Variants in ARHGAP24 observed in about 807,000 individuals in gnomAD.
ARHGAP24 encodes Rho GTPase activating protein 24.
ARHGAP24 carries 50 observed loss-of-function variants against 76.4 expected under a neutral mutation model. That is an observed-to-expected ratio of 0.65 (90% confidence interval 0.52 to 0.83). The LOEUF (loss-of-function observed/expected upper bound fraction) is 0.83, where lower values mean the gene tolerates loss of function less well. Among genes scored for constraint, ARHGAP24 ranks in the 40% least tolerant of loss-of-function variants. The probability of loss-of-function intolerance (pLI) is 0.00; values close to 1 mark genes in which losing one functional copy is unlikely to be tolerated. For missense variants in ARHGAP24, 930 were observed against 914.2 expected, an observed-to-expected ratio of 1.02 and a Z score of -0.22; for synonymous variants, 345 against 323.3, an observed-to-expected ratio of 1.07 and a Z score of -0.72.
chr4:85,924,782 A>C (rs1259914401), intron 4 of ARHGAP24: 1 of 152,136 alleles, frequency 6.6e-6, no homozygotes, highest in Non-Finnish European at 1.5e-5. Flanking sequence ...TGAAAACATG[A>C]TATTTTACTA....
intron 3 of ARHGAP24, among the ~76,000 whole-genome samples, chr4:85,867,302 T>A (rs1367820682): frequency 2.0e-5 from 3 of 152,144 alleles, no homozygotes; most frequent in Non-Finnish European, 2.9e-5. Context: ...ATATGTTGGA[T>A]GTAATCTTTA....
chr4:85,815,460 C>T (rs930810480), intron 3 of ARHGAP24, among the ~76,000 whole-genome samples: 6 of 152,226 alleles, frequency 3.9e-5, no homozygotes, highest in Admixed American at 3.3e-4. Flanking sequence ...CCTAAATCAT[C>T]TCTCTCGAGT....
chr4:85,526,839 G>T (rs539928510), intron 1 of ARHGAP24, among the ~76,000 whole-genome samples: 1 of 152,040 alleles, frequency 6.6e-6, no homozygotes, highest in Non-Finnish European at 1.5e-5. Flanking sequence ...AAGAAATAGC[G>T]TTCAGCTTTT....
At chr4:85,626,016 CTT>C (rs1329111314) in intron 2 of ARHGAP24, among the ~76,000 whole-genome samples, 1 of 152,122 alleles carries the variant, frequency 6.6e-6, no homozygotes, top group East Asian at 1.9e-4. Flanking sequence ...GGTCTTGACT[CTT>C]TATCCAATTT....
chr4:85,609,808 C>G (rs1332456024), intron 2 of ARHGAP24, among the ~76,000 whole-genome samples: 1 of 152,164 alleles, frequency 6.6e-6, no homozygotes, highest in Admixed American at 6.5e-5. Context: ...TCCATCATGT[C>G]AAGCATTTAT....
At chr4:85,564,802 A>G (rs1159636537) in intron 1 of ARHGAP24, among the ~76,000 whole-genome samples, 4 of 150,102 alleles carry the variant, frequency 2.7e-5, no homozygotes, top group Non-Finnish European at 4.4e-5. Context: ...GGCTCAGGCA[A>G]TAATGCTCGC....
chr4:85,683,118 G>GGGC (rs1553922579), intron 2 of ARHGAP24, among the ~76,000 whole-genome samples: 11 of 37,672 alleles, frequency 2.9e-4, no homozygotes, highest in African/African-American at 9.5e-4. Flanking sequence ...GTGGGGGGGT[G>GGGC]GGGGGGGGGT....
intron 1 of ARHGAP24, among the ~76,000 whole-genome samples, chr4:85,482,383 C>T (rs1192014415): frequency 6.6e-6 from 1 of 152,128 alleles, no homozygotes; most frequent in Non-Finnish European, 1.5e-5. Context: ...CGTGGGATAA[C>T]TTTTCAGTAC....
intron 3 of ARHGAP24, among the ~76,000 whole-genome samples, chr4:85,799,893 G>A (rs12504871): frequency 0.079 from 12,088 of 152,144 alleles, 779 homozygotes; most frequent in East Asian, 0.29. Context: ...GAAAACATCA[G>A]ACAAACTCAA....
chr4:85,757,119 C>T (rs1005281761), intron 3 of ARHGAP24, among the ~76,000 whole-genome samples: 30 of 152,022 alleles, frequency 2.0e-4, no homozygotes, highest in African/African-American at 6.5e-4. Flanking sequence ...AGGCCATCTC[C>T]GTCTTTACCC....
chr4:85,776,714 C>A (rs1467176956), intron 3 of ARHGAP24, among the ~76,000 whole-genome samples: 1 of 152,140 alleles, frequency 6.6e-6, no homozygotes, highest in African/African-American at 2.4e-5. Flanking sequence ...CTGTTCTAAA[C>A]AATCTGTGAC....
chr4:85,952,337 T>G (rs945026588), intron 5 of ARHGAP24, among the ~76,000 whole-genome samples: 1 of 152,254 alleles, frequency 6.6e-6, no homozygotes, highest in Non-Finnish European at 1.5e-5. Flanking sequence ...ATTGTATCAG[T>G]ACATTGGTTT....
chr4:85,759,711 G>A lies in ARHGAP24; in HGVS notation c.268+37739G>A, dbSNP rs187458710. ...TCTGGGGAAATTAGGCTGTGTAAAAGGACAGTGGCAGTGGGAATGGAAAGA... is the reference window on the plus strand; with the variant it reads ...TCTGGGGAAATTAGGCTGTGTAAAAAGACAGTGGCAGTGGGAATGGAAAGA... On this transcript the variant is annotated intron_variant, in intron 3 of 9. Coordinates refer to ENST00000395184, the MANE Select transcript of ARHGAP24 (RefSeq NM_001025616.3). Among the ~76,000 whole-genome samples the A allele has an allele frequency of 4.8e-3, 723 of 152,168 alleles. 3 individuals carry two copies. The highest frequency in any genetic ancestry group is 5.8e-3 in the Non-Finnish European group (394 of 68,002).
intron 2 of ARHGAP24, among the ~76,000 whole-genome samples, chr4:85,612,466 G>A (rs1454566864): frequency 7.8e-6 from 1 of 127,660 alleles, no homozygotes; most frequent in Non-Finnish European, 1.7e-5. Context: ...CCAATGTATA[G>A]CAAAAGCATC....
intron 3 of ARHGAP24, among the ~76,000 whole-genome samples, chr4:85,775,404 T>C (rs1373968866): frequency 6.6e-6 from 1 of 152,204 alleles, no homozygotes; most frequent in East Asian, 1.9e-4. Context: ...TTTAATGGAC[T>C]CACAGTTCCA....
chr4:85,708,400 T>C (rs1381509975), intron 2 of ARHGAP24, among the ~76,000 whole-genome samples: 5 of 152,124 alleles, frequency 3.3e-5, no homozygotes, highest in Non-Finnish European at 5.9e-5. Context: ...TATTTAAACC[T>C]CAAAACAGCC....
At chr4:85,852,773 C>T (rs1367787873) in intron 3 of ARHGAP24, among the ~76,000 whole-genome samples, 1 of 152,228 alleles carries the variant, frequency 6.6e-6, no homozygotes, top group Non-Finnish European at 1.5e-5. Flanking sequence ...GCCTGGGTAT[C>T]ACCTTTGGAG....
At chr4:85,568,325 C>T (rs1304074918) in intron 1 of ARHGAP24, among the ~76,000 whole-genome samples, 7 of 144,820 alleles carry the variant, frequency 4.8e-5, no homozygotes, top group East Asian at 4.0e-4. Flanking sequence ...GGGAGGGGGG[C>T]GTGTGTGTGT....
At chr4:85,775,389 A>G (rs1727275871) in intron 3 of ARHGAP24, among the ~76,000 whole-genome samples, 1 of 152,190 alleles carries the variant, frequency 6.6e-6, no homozygotes. Context: ...ATAAAGAAAA[A>G]GAGGTTTAAT....
Sources: gnomAD v4.1 joint callset for allele counts (sites outside exome capture counted in the v4.1 genomes callset) on GRCh38, gnomAD v4.1.1 for gene constraint, MANE v1.5 for transcripts, NCBI Gene and HGNC (gene_info 2026-07-23, HGNC 2026-07-21) for gene names.